Variants in FMN2 observed in about 807,000 individuals in gnomAD.
The protein encoded by FMN2 is formin 2.
FMN2 carries 51 observed loss-of-function variants against 142.3 expected under a neutral mutation model. That is an observed-to-expected ratio of 0.36 (90% CI 0.29 to 0.45). FMN2 has a LOEUF of 0.45. FMN2 is among the 20% of genes least tolerant of loss of function. FMN2 has a pLI of 1.00. For synonymous variants in FMN2, 882 were observed against 869.8 expected (o/e 1.01, Z -0.25); for missense variants, 1,936 against 2,122.8 (o/e 0.91, Z 1.73).
intron 8 of FMN2, among the ~76,000 whole-genome samples, chr1:240,314,867 G>T (rs1670720355): frequency 6.6e-6 from 1 of 152,130 alleles, no homozygotes; most frequent in East Asian, 1.9e-4. Flanking sequence ...TCTGTGATCT[G>T]CCTCGTTTGT....
chr1:240,305,951 G>GTTTTTTTTTGT (rs1173599248), intron 8 of FMN2, among the ~76,000 whole-genome samples: 4,010 of 121,644 alleles, frequency 0.033, 90 homozygotes, highest in Non-Finnish European at 0.048. Context: ...ATGCTTGTAA[G>GTTTTTTTTTGT]TTTTTTTTTT....
chr1:240,399,155 A>G (rs919585071), intron 15 of FMN2, among the ~76,000 whole-genome samples: 1 of 152,196 alleles, frequency 6.6e-6, no homozygotes, highest in Non-Finnish European at 1.5e-5. Context: ...CAATGTCCAC[A>G]TTATAAATGT....
chr1:240,408,033 A>G (rs1674272206), intron 15 of FMN2, among the ~76,000 whole-genome samples: 1 of 152,136 alleles, frequency 6.6e-6, no homozygotes, highest in African/African-American at 2.4e-5. Flanking sequence ...TATTTAACCC[A>G]CTAAAACAGC....
chr1:240,251,661 G>C (rs1668281931), intron 6 of FMN2, among the ~76,000 whole-genome samples: 1 of 152,146 alleles, frequency 6.6e-6, no homozygotes, highest in Non-Finnish European at 1.5e-5. Context: ...GTTGCTGAGA[G>C]TGTGATGTTG....
chr1:240,369,405 A>G (rs534598469), intron 14 of FMN2, among the ~76,000 whole-genome samples: 1 of 152,214 alleles, frequency 6.6e-6, no homozygotes, highest in South Asian at 2.1e-4. Flanking sequence ...TAAAATATAG[A>G]ATTATTATTT....
chr1:240,467,962 C>T (rs916846149), intron 16 of FMN2, among the ~76,000 whole-genome samples: 6 of 151,900 alleles, frequency 3.9e-5, no homozygotes, highest in Non-Finnish European at 8.8e-5. Context: ...TTTTTTTTCC[C>T]CAAAGTCACT....
intron 2 of FMN2, chr1:240,142,958 G>C: frequency 6.3e-7 from 1 of 1,599,128 alleles, no homozygotes; most frequent in South Asian, 1.1e-5. Context: ...AGTGTGATTT[G>C]CCTAGAATAA....
At chr1:240,246,414 C>G (rs1668086201) in intron 6 of FMN2, among the ~76,000 whole-genome samples, 1 of 152,234 alleles carries the variant, frequency 6.6e-6, no homozygotes, top group African/African-American at 2.4e-5. Flanking sequence ...TCAGCTATAA[C>G]CATGCCACTA....
chr1:240,254,074 A>G (rs1000720720), intron 6 of FMN2, among the ~76,000 whole-genome samples: 2 of 152,106 alleles, frequency 1.3e-5, no homozygotes, highest in African/African-American at 4.8e-5. Context: ...CAGTCAGGCC[A>G]GTTGGACCTC....
chr1:240,446,703 A>T (rs1675828132), intron 16 of FMN2, among the ~76,000 whole-genome samples: 1 of 152,186 alleles, frequency 6.6e-6, no homozygotes, highest in African/African-American at 2.4e-5. Context: ...TTGAATTTGA[A>T]TAATATCAAA....
chr1:240,358,847 A>AT (rs1263544498), intron 14 of FMN2, among the ~76,000 whole-genome samples: 18 of 152,102 alleles, frequency 1.2e-4, no homozygotes, highest in Non-Finnish European at 2.5e-4. Flanking sequence ...CTTAAAATAC[A>AT]TTTTTAAGGC....
chr1:240,427,043 G>C (rs1448447751), intron 15 of FMN2, among the ~76,000 whole-genome samples: 3 of 151,682 alleles, frequency 2.0e-5, no homozygotes, highest in Non-Finnish European at 4.4e-5. Flanking sequence ...CCAGGCCCAA[G>C]ATACCCTTGT....
intron 14 of FMN2, among the ~76,000 whole-genome samples, chr1:240,381,511 C>T (rs1673225774): frequency 6.6e-6 from 1 of 152,178 alleles, no homozygotes; most frequent in Non-Finnish European, 1.5e-5. Flanking sequence ...CTCACTGCAG[C>T]CCCTGCCTCA....
At chr1:240,212,822 C>T (rs1297574519) in intron 6 of FMN2, among the ~76,000 whole-genome samples, 2 of 152,110 alleles carry the variant, frequency 1.3e-5, no homozygotes, top group African/African-American at 4.8e-5. Flanking sequence ...GTCAGGCAGC[C>T]GGAACTGTCA....
Position 240,297,594 on chromosome 1 carries a change from C to CAAA in FMN2, c.4215+2731_4215+2733dup, listed in dbSNP as rs57504077. 4.8e-3 allele frequency among the ~76,000 whole-genome samples: 425 copies of CAAA among 88,522 alleles called. 3 individuals carry two copies. Among genetic ancestry groups the CAAA allele is most frequent in the African/African-American group, 0.012 (276 of 23,470 alleles). 58.1% of individuals were successfully genotyped at this position (88,522 alleles called of 152,430 possible). On this transcript the variant is annotated intron_variant, in intron 8 of 17. Coordinates refer to ENST00000319653, the MANE Select transcript of FMN2 (RefSeq NM_020066.5). Reference sequence around the variant, plus strand: ...CTGGTGACAGAGTGAGACTCCATCTCAAAAAAAAAAAAAAAAAAAAAAGAA... The same window carrying CAAA: ...CTGGTGACAGAGTGAGACTCCATCTCAAAAAAAAAAAAAAAAAAAAAAAAAGAA...
At chr1:240,182,858 G>T (rs1558342960) in intron 3 of FMN2, among the ~76,000 whole-genome samples, 1 of 151,828 alleles carries the variant, frequency 6.6e-6, no homozygotes, top group African/African-American at 2.4e-5. Flanking sequence ...TGTCTCTAAT[G>T]GTTCCTAAGA....
At chr1:240,266,097 G>A (rs1668792107) in intron 7 of FMN2, among the ~76,000 whole-genome samples, 1 of 148,892 alleles carries the variant, frequency 6.7e-6, no homozygotes, top group Admixed American at 6.8e-5. Flanking sequence ...TGGGTATATT[G>A]CATGATGCTA....
rs540091757 is a variant in FMN2, at chr1:240,148,725, A to C, written c.1782+25380A>C. On this transcript the variant is annotated intron_variant, in intron 2 of 17. Coordinates refer to ENST00000319653, the MANE Select transcript of FMN2 (RefSeq NM_020066.5). ...GCCAGGTGCAGTGGCTCGCGCCTGT[A>C]ATCCCAGCACTTTGGGAGGCCGAGG... 2.3e-3 allele frequency among the ~76,000 whole-genome samples: 346 copies of C among 152,330 alleles called. 1 individual carries two copies. The highest frequency in any genetic ancestry group is 8.1e-3 in the African/African-American group (338 of 41,580).
At chr1:240,239,339 C>T (rs1187650463) in intron 6 of FMN2, among the ~76,000 whole-genome samples, 1 of 152,082 alleles carries the variant, frequency 6.6e-6, no homozygotes, top group Admixed American at 6.6e-5. Flanking sequence ...AGGAAAAATG[C>T]TAAATATATG....
Sources: gnomAD v4.1 joint callset for allele counts (sites outside exome capture counted in the v4.1 genomes callset) on GRCh38, gnomAD v4.1.1 for gene constraint, MANE v1.5 for transcripts, NCBI Gene and HGNC (gene_info 2026-07-23, HGNC 2026-07-21) for gene names.